KLHL1: variants seen among roughly 807,000 people sequenced by gnomAD.
KLHL1 encodes the protein kelch-like protein 1.
KLHL1 carries 47 observed loss-of-function variants against 77.7 expected under a neutral mutation model. The observed-to-expected ratio is 0.60, with a 90% CI of 0.48 to 0.77. The LOEUF is 0.77. Among genes scored for constraint, KLHL1 ranks in the 30% least tolerant of loss-of-function variants. The pLI, the probability that KLHL1 is intolerant of heterozygous loss-of-function variation, is 0.00. For synonymous variants in KLHL1, 360 were observed against 325.2 expected, an observed-to-expected ratio of 1.11 and a Z score of -1.15; for missense variants, 925 against 910.8, an observed-to-expected ratio of 1.02 and a Z score of -0.20.
intron 1 of KLHL1, among the ~76,000 whole-genome samples, chr13:70,008,769 T>C (rs1036162563): frequency 3.9e-5 from 6 of 152,166 alleles, no homozygotes; most frequent in African/African-American, 9.6e-5. Flanking sequence ...TGAATATATA[T>C]GCCAAAACAA....
At chr13:70,000,421 C>G (rs1422819355) in intron 1 of KLHL1, among the ~76,000 whole-genome samples, 1 of 151,706 alleles carries the variant, frequency 6.6e-6, no homozygotes, top group Non-Finnish European at 1.5e-5. Flanking sequence ...CTTCCCAAAA[C>G]TAATAAAACA....
chr13:69,745,852 T>C (rs1874188862), intron 7 of KLHL1, among the ~76,000 whole-genome samples: 1 of 151,772 alleles, frequency 6.6e-6, no homozygotes, highest in Non-Finnish European at 1.5e-5. Context: ...ATTTTCTGAA[T>C]TTTCCCCCAA....
At chr13:69,951,637 A>G (rs1883714872) in intron 3 of KLHL1, among the ~76,000 whole-genome samples, 1 of 151,334 alleles carries the variant, frequency 6.6e-6, no homozygotes, top group Non-Finnish European at 1.5e-5. Flanking sequence ...TTTATTCTTG[A>G]GGTTCTGTGT....
intron 4 of KLHL1, among the ~76,000 whole-genome samples, chr13:69,887,504 C>T (rs956655049): frequency 6.6e-6 from 1 of 152,124 alleles, no homozygotes; most frequent in African/African-American, 2.4e-5. Flanking sequence ...TTGAAATTTA[C>T]TATAAGCAGT....
intron 7 of KLHL1, among the ~76,000 whole-genome samples, chr13:69,748,001 G>A (rs1486684239): frequency 6.6e-6 from 1 of 151,878 alleles, no homozygotes; most frequent in Non-Finnish European, 1.5e-5. Flanking sequence ...TTTCAACACA[G>A]GTATCTATCC....
intron 7 of KLHL1, among the ~76,000 whole-genome samples, chr13:69,773,442 AT>A (rs1359495409): frequency 6.6e-6 from 1 of 152,062 alleles, no homozygotes; most frequent in Non-Finnish European, 1.5e-5. Flanking sequence ...ATGAGATATA[AT>A]TGCATATTTA....
At chr13:69,807,494 C>A (rs950714089) in intron 6 of KLHL1, among the ~76,000 whole-genome samples, 8 of 152,110 alleles carry the variant, frequency 5.3e-5, no homozygotes, top group Admixed American at 4.6e-4. Flanking sequence ...TTCAGGACCA[C>A]CTACTAGACT....
At chr13:69,924,268 A>T (rs547918942) in intron 4 of KLHL1, among the ~76,000 whole-genome samples, 127 of 152,282 alleles carry the variant, frequency 8.3e-4, no homozygotes, top group African/African-American at 2.8e-3. Context: ...CAAGCCAGGG[A>T]TGCACTGAAG....
intron 4 of KLHL1, among the ~76,000 whole-genome samples, chr13:69,908,098 T>C (rs963360629): frequency 6.6e-5 from 10 of 152,032 alleles, no homozygotes; most frequent in African/African-American, 2.4e-4. Flanking sequence ...GATAGAGGAA[T>C]GAGCTCTGGA....
At chr13:70,002,889 C>A (rs1435556668) in intron 1 of KLHL1, among the ~76,000 whole-genome samples, 2 of 151,230 alleles carry the variant, frequency 1.3e-5, no homozygotes, top group East Asian at 3.9e-4. Context: ...TTCCAGATGT[C>A]CAAAAGGAAA....
rs532667816 is a variant in KLHL1, at chr13:69,976,356, AAGT to A, written c.498-557_498-555del. ...TTCTGCACCCCACTATTAAACAAAA[AAGT>A]AGAATGTATTAACTCAGTACTTATA... On this transcript the variant is annotated intron_variant, in intron 1 of 10. Coordinates refer to ENST00000377844, the MANE Select transcript of KLHL1 (RefSeq NM_020866.3). Among the ~76,000 whole-genome samples, 889 of 152,188 alleles carry A rather than the reference AAGT, an allele frequency of 5.8e-3. 7 individuals are homozygous for A. The highest frequency in any genetic ancestry group is 0.017 in the Middle Eastern group (5 of 292).
chr13:69,790,938 C>G (rs574228607), intron 7 of KLHL1, among the ~76,000 whole-genome samples: 1 of 151,904 alleles, frequency 6.6e-6, no homozygotes, highest in Admixed American at 6.6e-5. Flanking sequence ...ATATAAGGGA[C>G]CTTTCTCAGC....
intron 7 of KLHL1, among the ~76,000 whole-genome samples, chr13:69,772,279 T>C (rs1875609915): frequency 6.6e-6 from 1 of 151,954 alleles, no homozygotes; most frequent in Non-Finnish European, 1.5e-5. Flanking sequence ...TATTTATAAA[T>C]ATAGTATTTT....
intron 8 of KLHL1, among the ~76,000 whole-genome samples, chr13:69,738,966 C>T (rs1188257090): frequency 2.0e-5 from 3 of 152,046 alleles, no homozygotes; most frequent in Admixed American, 6.6e-5. Context: ...TCGCCAAAGT[C>T]GAAATGAAGA....
At chr13:69,986,636 T>C (rs1884879041) in intron 1 of KLHL1, among the ~76,000 whole-genome samples, 1 of 152,026 alleles carries the variant, frequency 6.6e-6, no homozygotes, top group Admixed American at 6.6e-5. Context: ...AGTTCTATTA[T>C]GAAAATAAGA....
At chr13:69,788,547 A>T (rs1876686089) in intron 7 of KLHL1, among the ~76,000 whole-genome samples, 1 of 152,098 alleles carries the variant, frequency 6.6e-6, no homozygotes. Flanking sequence ...GCATTAGGAG[A>T]TATGCCTAAT....
intron 7 of KLHL1, among the ~76,000 whole-genome samples, chr13:69,768,627 TATTTA>T (rs957212486): frequency 3.5e-4 from 54 of 152,198 alleles, no homozygotes; most frequent in East Asian, 1.3e-3. Context: ...TTCTGCATTG[TATTTA>T]ATTTACTTTT....
rs1887041009 is a variant in KLHL1, at chr13:70,067,640, A to G, written c.497+39563T>C. 2.7e-5 allele frequency among the ~76,000 whole-genome samples: 4 copies of G among 149,846 alleles called. No homozygotes were observed. In the South Asian group the frequency reaches 8.4e-4, roughly 31 times the overall value. On this transcript the variant is annotated intron_variant, in intron 1 of 10. Transcript: ENST00000377844. ...GGCTCAGATGACATATTTTGACAAC[A>G]ACAACAACAACAACAACAACAAAAA...
intron 2 of KLHL1, among the ~76,000 whole-genome samples, chr13:69,971,826 AT>A (rs1342640904): frequency 1.3e-5 from 2 of 152,204 alleles, no homozygotes; most frequent in South Asian, 4.1e-4. Flanking sequence ...ATCATTATGC[AT>A]CATCAACAGG....
Sources: gnomAD v4.1 joint callset for allele counts (sites outside exome capture counted in the v4.1 genomes callset) on GRCh38, gnomAD v4.1.1 for gene constraint, MANE v1.5 for transcripts, NCBI Gene and HGNC (gene_info 2026-07-23, HGNC 2026-07-21) for gene names.